The following GNAQ variants were observed in gnomAD, a reference collection of about 807,000 sequenced individuals.
The protein encoded by GNAQ is G protein subunit alpha q.
A neutral mutation model predicts 43.9 loss-of-function variants in GNAQ; 8 were observed. The ratio of observed to expected loss-of-function variants is 0.18; its 90% CI spans 0.11 to 0.33. The LOEUF is 0.33. Among genes scored for constraint, GNAQ ranks in the 10% least tolerant of loss-of-function variants. The pLI, the probability that GNAQ is intolerant of heterozygous loss-of-function variation, is 1.00. For missense variants in GNAQ, 158 were observed against 450.8 expected, an observed-to-expected ratio of 0.35 and a Z score of 5.88; for synonymous variants, 155 against 170.7, an observed-to-expected ratio of 0.91 and a Z score of 0.71.
intron 2 of GNAQ, among the ~76,000 whole-genome samples, chr9:77,858,418 A>G (rs1045578832): frequency 1.3e-5 from 2 of 152,146 alleles, no homozygotes; most frequent in Non-Finnish European, 2.9e-5. Context: ...TCAACCATTT[A>G]GAGTGACCAC....
At chr9:77,947,606 A>G (rs1822920259) in intron 1 of GNAQ, among the ~76,000 whole-genome samples, 1 of 152,200 alleles carries the variant, frequency 6.6e-6, no homozygotes, top group African/African-American at 2.4e-5. Context: ...TTACCCATAC[A>G]TGCCCCTTTA....
At chr9:77,948,342 C>G (rs955510106) in intron 1 of GNAQ, among the ~76,000 whole-genome samples, 1 of 152,220 alleles carries the variant, frequency 6.6e-6, no homozygotes, top group Admixed American at 6.5e-5. Context: ...CCTCACTGGA[C>G]TGCAGGCTCA....
intron 2 of GNAQ, among the ~76,000 whole-genome samples, chr9:77,884,405 C>A (rs748493038): frequency 2.0e-5 from 3 of 152,092 alleles, no homozygotes; most frequent in Non-Finnish European, 2.9e-5. Context: ...AAAATGCAAA[C>A]GACTATTAGG....
rs1030865500 is a variant in GNAQ at position 77,980,995 on chromosome 9, A to G, written c.136+50105T>C. Among the ~76,000 whole-genome samples the G allele has an allele frequency of 3.9e-5, 6 of 152,328 alleles. No individual in the cohort carries two copies. The South Asian group carries it at 6.2e-4, about 16-fold the overall frequency. ...GTGATTTAAACCTACAATGATTTCT[A>G]TCTGAAAGGATATTGCCAGACTCCC... On this transcript the variant is annotated intron_variant, in intron 1 of 6. Coordinates refer to ENST00000286548, the MANE Select transcript of GNAQ (RefSeq NM_002072.5).
intron 1 of GNAQ, among the ~76,000 whole-genome samples, chr9:77,957,564 G>A (rs1462487165): frequency 2.0e-5 from 3 of 152,108 alleles, no homozygotes; most frequent in Admixed American, 2.0e-4. Flanking sequence ...GAAAAGCAAG[G>A]GGAATTTGCT....
chr9:78,010,835 A>G (rs1418484762), intron 1 of GNAQ, among the ~76,000 whole-genome samples: 2 of 152,156 alleles, frequency 1.3e-5, no homozygotes, highest in Non-Finnish European at 2.9e-5. Flanking sequence ...AATAAGTGAC[A>G]AAGGTTCTCA....
At chr9:77,788,362 A>C (rs1419206408) in intron 5 of GNAQ, among the ~76,000 whole-genome samples, 1 of 152,210 alleles carries the variant, frequency 6.6e-6, no homozygotes, top group Non-Finnish European at 1.5e-5. Flanking sequence ...AGCAACATGA[A>C]AAAAAATCTC....
At chr9:77,749,777 T>C (rs952258537) in intron 5 of GNAQ, among the ~76,000 whole-genome samples, 1 of 152,154 alleles carries the variant, frequency 6.6e-6, no homozygotes, top group African/African-American at 2.4e-5. Context: ...AAACCATACT[T>C]TTCCTTACAA....
chr9:77,945,441 A>G (rs1015608870), intron 1 of GNAQ, among the ~76,000 whole-genome samples: 1 of 152,232 alleles, frequency 6.6e-6, no homozygotes, highest in Non-Finnish European at 1.5e-5. Flanking sequence ...TTATGATTAC[A>G]TGCAAAACCT....
intron 1 of GNAQ, among the ~76,000 whole-genome samples, chr9:77,925,240 T>C (rs1267809150): frequency 6.6e-6 from 1 of 152,084 alleles, no homozygotes; most frequent in Admixed American, 6.5e-5. Context: ...CAAATACCAA[T>C]CAAATGAAGG....
At chr9:77,724,452 C>A (rs1261507782) in intron 6 of GNAQ, among the ~76,000 whole-genome samples, 2 of 152,192 alleles carry the variant, frequency 1.3e-5, no homozygotes, top group Non-Finnish European at 2.9e-5. Flanking sequence ...CCACCTTGGC[C>A]TCCCAAAGTG....
At chr9:78,007,935 T>C (rs762275325) in intron 1 of GNAQ, among the ~76,000 whole-genome samples, 3 of 152,230 alleles carry the variant, frequency 2.0e-5, no homozygotes, top group Admixed American at 2.0e-4. Context: ...TTTTAAACAC[T>C]GGTGTGAAGG....
chr9:77,881,775 C>A (rs1828211805), intron 2 of GNAQ, among the ~76,000 whole-genome samples: 1 of 152,156 alleles, frequency 6.6e-6, no homozygotes, highest in African/African-American at 2.4e-5. Context: ...TGGGTATTAA[C>A]CAAAGGTGTA....
intron 5 of GNAQ, among the ~76,000 whole-genome samples, chr9:77,778,214 T>TACACACACAC (rs34540195): frequency 6.7e-6 from 1 of 149,500 alleles, no homozygotes; most frequent in East Asian, 1.9e-4. Flanking sequence ...TTTACACGTT[T>TACACACACAC]ACACACACAC....
chr9:77,752,785 C>A (rs1825832012), intron 5 of GNAQ, among the ~76,000 whole-genome samples: 1 of 152,100 alleles, frequency 6.6e-6, no homozygotes, highest in Admixed American at 6.5e-5. Flanking sequence ...AAATTTGGAG[C>A]AATTTCAAAA....
intron 2 of GNAQ, among the ~76,000 whole-genome samples, chr9:77,884,981 A>G (rs1473434556): frequency 6.6e-6 from 1 of 152,206 alleles, no homozygotes; most frequent in East Asian, 1.9e-4. Context: ...AATGGAGAAA[A>G]TAATGGAACC....
chr9:77,773,206 CTTAT>C (rs1361842864), intron 5 of GNAQ, among the ~76,000 whole-genome samples: 6 of 152,094 alleles, frequency 3.9e-5, no homozygotes, highest in Non-Finnish European at 5.9e-5. Flanking sequence ...ATATTTTAAT[CTTAT>C]TTAACAAATA....
chr9:77,868,382 G>C (rs902795886), intron 2 of GNAQ, among the ~76,000 whole-genome samples: 1 of 152,166 alleles, frequency 6.6e-6, no homozygotes, highest in African/African-American at 2.4e-5. Flanking sequence ...GATATTTAAT[G>C]ATCTGTGGCA....
At chr9:77,787,444 C>G (rs1826498966) in intron 5 of GNAQ, among the ~76,000 whole-genome samples, 1 of 152,012 alleles carries the variant, frequency 6.6e-6, no homozygotes, top group Non-Finnish European at 1.5e-5. Flanking sequence ...GTGTGTATTT[C>G]ACAATTAAAA....
Sources: gnomAD v4.1 joint callset for allele counts (sites outside exome capture counted in the v4.1 genomes callset) on GRCh38, gnomAD v4.1.1 for gene constraint, MANE v1.5 for transcripts, NCBI Gene and HGNC (gene_info 2026-07-23, HGNC 2026-07-21) for gene names.